The following TNRC6C variants were observed in gnomAD, a reference collection of about 807,000 sequenced individuals.
TNRC6C encodes the protein trinucleotide repeat containing adaptor 6C, also known as trinucleotide repeat-containing gene 6C protein.
A neutral mutation model predicts 153.7 loss-of-function variants in TNRC6C; 20 were observed. The ratio of observed to expected loss-of-function variants is 0.13; its 90% CI spans 0.09 to 0.19. The LOEUF is 0.19. Among genes scored for constraint, TNRC6C ranks in the 10% least tolerant of loss-of-function variants. The pLI is 1.00. For synonymous variants in TNRC6C, 811 were observed against 841.4 expected (o/e 0.96, Z 0.63); for missense variants, 1,987 against 2,172.0 (o/e 0.91, Z 1.69).
rs1156563215 is a variant in TNRC6C, at chr17:78,091,612, G to A, written c.3970+5G>A. On this transcript the variant is annotated splice_donor_5th_base_variant and intron_variant, in intron 14 of 19. Coordinates refer to ENST00000301624, the Ensembl canonical transcript of TNRC6C. ...AGCAGAACCCTAGCAAGCATGGTAC[G>A]TCTGAGCTAGGATGCCTGTGGTGGG... 2.6e-6 allele frequency: 4 copies of A among 1,521,906 alleles called. No homozygotes were observed. The highest frequency in any genetic ancestry group is 3.5e-6 in the Non-Finnish European group (4 of 1,132,516). The allele number at this position is 1,521,906 out of a possible 1,614,324, so 94.3% of individuals were successfully genotyped here.
At chr17:78,037,838 G>A (rs1021041777) in intron 2 of TNRC6C, among the ~76,000 whole-genome samples, 7 of 152,272 alleles carry the variant, frequency 4.6e-5, no homozygotes, top group South Asian at 2.1e-4. Flanking sequence ...CTAGAAGAGC[G>A]AATGTACGTG....
chr17:78,074,208 G>A (rs552898430), intron 7 of TNRC6C, among the ~76,000 whole-genome samples: 10 of 152,274 alleles, frequency 6.6e-5, no homozygotes, highest in African/African-American at 1.9e-4. Flanking sequence ...ACAGAAATAC[G>A]AAAAGCCTGG....
chr17:78,107,349 T>C (rs1249503207), exon 20 of TNRC6C: 1 of 152,228 alleles, frequency 6.6e-6, no homozygotes, highest in Non-Finnish European at 1.5e-5. Context: ...TCGTGGCTCT[T>C]AATGTTTTCC....
intron 1 of TNRC6C, among the ~76,000 whole-genome samples, chr17:78,014,887 T>C (rs764880983): frequency 1.3e-5 from 2 of 152,060 alleles, no homozygotes; most frequent in East Asian, 3.9e-4. Flanking sequence ...GCACAGCAGA[T>C]GGACCCTCCG....
chr17:78,057,797 TATAAA>T (rs994164899), intron 3 of TNRC6C, among the ~76,000 whole-genome samples: 1 of 152,074 alleles, frequency 6.6e-6, no homozygotes, highest in Non-Finnish European at 1.5e-5. Context: ...TCTCCTGTCT[TATAAA>T]ATATGATTTC....
At chr17:78,012,262 G>GT (rs1353617259) in intron 1 of TNRC6C, among the ~76,000 whole-genome samples, 1 of 152,148 alleles carries the variant, frequency 6.6e-6, no homozygotes, top group African/African-American at 2.4e-5. Context: ...AACTTAAACA[G>GT]TTAATAAATA....
At chr17:77,995,176 A>T (rs777191257) in intron 1 of TNRC6C, among the ~76,000 whole-genome samples, 14 of 152,244 alleles carry the variant, frequency 9.2e-5, no homozygotes, top group Non-Finnish European at 1.5e-4. Flanking sequence ...GAGGTGGAAC[A>T]TCCAGTGAGA....
chr17:78,037,840 A>G (rs968253336), intron 2 of TNRC6C, among the ~76,000 whole-genome samples: 3 of 152,206 alleles, frequency 2.0e-5, no homozygotes, highest in African/African-American at 7.2e-5. Context: ...AGAAGAGCGA[A>G]TGTACGTGAA....
intron 2 of TNRC6C, among the ~76,000 whole-genome samples, chr17:78,040,466 A>C (rs1489717564): frequency 2.0e-5 from 3 of 152,214 alleles, no homozygotes; most frequent in Non-Finnish European, 4.4e-5. Context: ...TTTTTTAGAT[A>C]GAGGCAGGAA....
intron 13 of TNRC6C, among the ~76,000 whole-genome samples, chr17:78,088,529 A>G (rs2073337682): frequency 1.3e-5 from 2 of 151,946 alleles, no homozygotes; most frequent in South Asian, 4.2e-4. Context: ...GCCATGCCTT[A>G]ATTTCTTCAT....
chr17:78,062,872 A>G (rs1221226625), intron 3 of TNRC6C, among the ~76,000 whole-genome samples: 3 of 152,192 alleles, frequency 2.0e-5, no homozygotes, highest in Admixed American at 2.0e-4. Flanking sequence ...CCTTATTGAT[A>G]GCAGTCAGTT....
chr17:78,024,419 T>C (rs1404949333), intron 1 of TNRC6C, among the ~76,000 whole-genome samples: 1 of 152,134 alleles, frequency 6.6e-6, no homozygotes, highest in African/African-American at 2.4e-5. Flanking sequence ...CAGGCTGGAG[T>C]GCAGTGGCCC....
chr17:78,086,432 C>A, intron 11 of TNRC6C, 71 bp from the exon 14 acceptor site: 1 of 1,329,994 alleles, frequency 7.5e-7, no homozygotes, highest in East Asian at 2.7e-5. Flanking sequence ...TAACTAATGT[C>A]AGAAAGTTGA....
chr17:78,093,796 A>T (rs553862911), intron 16 of TNRC6C, 33 bp downstream of exon 18: 1 of 1,612,360 alleles, frequency 6.2e-7, no homozygotes, highest in Non-Finnish European at 8.5e-7. Flanking sequence ...CTCTGCATGG[A>T]CGGTCTCTCT....
At chr17:78,086,670 T>A (rs2073297280) in intron 12 of TNRC6C, 84 bp downstream of exon 14, 1 of 1,553,720 alleles carries the variant, frequency 6.4e-7, no homozygotes, top group African/African-American at 1.4e-5. Flanking sequence ...TATTAGATGA[T>A]CATTGATTTT....
At chr17:78,039,119 G>A (rs561240066) in intron 2 of TNRC6C, among the ~76,000 whole-genome samples, 1 of 152,296 alleles carries the variant, frequency 6.6e-6, no homozygotes, top group East Asian at 1.9e-4. Context: ...GGAACGTGTC[G>A]AGAGGCAGTA....
At chr17:78,067,991 C>T in intron 5 of TNRC6C, 68 bp downstream of exon 7, 1 of 1,506,274 alleles carries the variant, frequency 6.6e-7, no homozygotes, top group East Asian at 2.3e-5. Context: ...ATTCAGTATC[C>T]AGTTAATCAG....
intron 3 of TNRC6C, among the ~76,000 whole-genome samples, chr17:78,060,885 G>A (rs966202445): frequency 6.6e-6 from 1 of 152,170 alleles, no homozygotes; most frequent in Non-Finnish European, 1.5e-5. Flanking sequence ...TATCTGTAGT[G>A]CTTAAGATGT....
intron 5 of TNRC6C, among the ~76,000 whole-genome samples, chr17:78,069,637 G>A (rs2072952218): frequency 6.6e-6 from 1 of 152,154 alleles, no homozygotes; most frequent in African/African-American, 2.4e-5. Context: ...GTAGTAAAAA[G>A]ATAACAATAA....
Sources: gnomAD v4.1 joint callset for allele counts (sites outside exome capture counted in the v4.1 genomes callset) on GRCh38, gnomAD v4.1.1 for gene constraint, MANE v1.5 for transcripts, NCBI Gene and HGNC (gene_info 2026-07-23, HGNC 2026-07-21) for gene names.